Variants in ABCB9 observed in about 807,000 individuals in gnomAD.
The protein encoded by ABCB9 is ATP binding cassette subfamily B member 9, also known as ABC-type oligopeptide transporter ABCB9.
A neutral mutation model predicts 62.0 loss-of-function variants in ABCB9; 36 were observed. The observed-to-expected ratio is 0.58, with a 90% CI of 0.45 to 0.77. ABCB9 has a LOEUF of 0.77. Among genes scored for constraint, ABCB9 ranks in the 30% least tolerant of loss-of-function variants. ABCB9 has a pLI of 0.00. For missense variants in ABCB9, 943 were observed against 1,054.7 expected (o/e 0.89, Z 1.47); for synonymous variants, 435 against 461.4 (o/e 0.94, Z 0.73).
chr12:122,929,943 CGTT>C lies in ABCB9; in HGVS notation c.2266_2268del (p.Asn756del), dbSNP rs1566150977. On this transcript the variant is annotated inframe_deletion, in exon 12 of 12. Coordinates refer to ENST00000280560, the MANE Select transcript of ABCB9 (RefSeq NM_019625.4). This position sits in a 1 kb window ranked among gnomAD's most constrained non-coding sequence, Gnocchi z 6.0. ...TTGTGACTGCCGTTGGCTACAGGCT[CGTT>C]GTGGCCAGCTGTGAAGTCTGCGGCG... is the stretch of plus-strand genomic sequence containing the variant. The C allele has an allele frequency of 6.4e-6, 10 of 1,569,660 alleles. No individual in the cohort carries two copies. Among genetic ancestry groups the C allele is most frequent in the Non-Finnish European group, 8.6e-6 (10 of 1,156,478 alleles).
At chr12:122,926,469 C>T (rs2034908600), downstream of ABCB9, among the ~76,000 whole-genome samples, 1 of 152,098 alleles carries the variant, frequency 6.6e-6, no homozygotes, top group Non-Finnish European at 1.5e-5. Flanking sequence ...ATCGCTTGAA[C>T]CAGGGAGGCA....
rs534522199 is a variant in ABCB9, at chr12:122,944,572, A to G, written c.1252-53T>C. 104 of 1,599,036 alleles carry G rather than the reference A, an allele frequency of 6.5e-5. No homozygotes were observed. In the African/African-American group the frequency reaches 1.2e-3, roughly 18 times the overall value. On this transcript the variant is annotated intron_variant, in intron 6 of 11. Coordinates refer to ENST00000280560, the MANE Select transcript of ABCB9 (RefSeq NM_019625.4). The surrounding 1 kb of genome is among the most constrained non-coding windows in gnomAD (Gnocchi z 4.9). ...TCGAGGGGACCTTAGATCCCCCACC[A>G]TCCCCATTCCCTGACCCATCCCAGG...
chr12:122,949,110 T>G (rs184357159), intron 4 of ABCB9: 2 of 285,938 alleles, frequency 7.0e-6, no homozygotes, highest in African/African-American at 4.4e-5. Flanking sequence ...AGCCTGTCCG[T>G]GACTGAGCCA....
intron 4 of ABCB9, among the ~76,000 whole-genome samples, chr12:122,949,523 G>A (rs980772909): frequency 2.0e-5 from 3 of 152,212 alleles, no homozygotes; most frequent in Non-Finnish European, 4.4e-5. Context: ...ATGGGGCAAT[G>A]GAAAGCAAGG....
intron 1 of ABCB9, among the ~76,000 whole-genome samples, chr12:122,963,980 G>A (rs890880413): frequency 2.6e-5 from 4 of 152,176 alleles, no homozygotes; most frequent in African/African-American, 9.7e-5. Context: ...CGTGGGGAGC[G>A]AGCGAGTGGG....
chr12:122,967,298 G>A (rs765846895), upstream of ABCB9, among the ~76,000 whole-genome samples: 4 of 152,180 alleles, frequency 2.6e-5, no homozygotes, highest in Admixed American at 6.5e-5. Context: ...GTGAGAAGGC[G>A]TGAGCCACGG....
chr12:122,956,002 G>C (rs140425341), intron 2 of ABCB9, among the ~76,000 whole-genome samples: 3 of 152,246 alleles, frequency 2.0e-5, no homozygotes, highest in Non-Finnish European at 2.9e-5. Context: ...GTGAGCCACC[G>C]TACCCAGCCT....
chr12:122,929,944 G>A lies in ABCB9; in HGVS notation c.2268C>T (p.Asn756=), dbSNP rs1045335406. The A allele has an allele frequency of 7.6e-6, 12 of 1,570,392 alleles. No individual in the cohort carries two copies. The highest frequency in any genetic ancestry group is 4.6e-5 in the South Asian group (4 of 87,734). Residue 756 remains asparagine (N), a synonymous_variant, in exon 12 of 12, where the codon AAC becomes AAT. Transcript: ENST00000280560. This position sits in a 1 kb window ranked among gnomAD's most constrained non-coding sequence, Gnocchi z 6.0. ...QPAADFTAGH[N]EPVANGSHKA is the part of the protein sequence containing the mutation. ...TGTGACTGCCGTTGGCTACAGGCTCGTTGTGGCCAGCTGTGAAGTCTGCGG... is the reference window on the plus strand; with the variant it reads ...TGTGACTGCCGTTGGCTACAGGCTCATTGTGGCCAGCTGTGAAGTCTGCGG...
intron 4 of ABCB9, among the ~76,000 whole-genome samples, chr12:122,949,546 C>T (rs2036240253): frequency 6.6e-6 from 1 of 152,194 alleles, no homozygotes; most frequent in African/African-American, 2.4e-5. Flanking sequence ...TTGGCTCCTG[C>T]AGGGACCTCG....
chr12:122,972,146 G>A (rs1169117201), intron 1 of ABCB9, among the ~76,000 whole-genome samples: 3 of 142,022 alleles, frequency 2.1e-5, no homozygotes, highest in South Asian at 2.3e-4. Context: ...CCAGGTTTAC[G>A]CCATTCTCCT....
intron 1 of ABCB9, among the ~76,000 whole-genome samples, chr12:122,962,325 C>G (rs562011890): frequency 1.3e-5 from 2 of 152,262 alleles, no homozygotes; most frequent in African/African-American, 4.8e-5. Context: ...TCCCGTGGGC[C>G]TTTTGTTGTC....
intron 9 of ABCB9, among the ~76,000 whole-genome samples, chr12:122,938,351 T>C (rs1236935865): frequency 2.7e-5 from 4 of 150,308 alleles, no homozygotes; most frequent in African/African-American, 4.9e-5. Context: ...CTGGGCAACA[T>C]GGTGAGACCA....
chr12:122,966,095 G>T (rs575265640), intron 1 of ABCB9, among the ~76,000 whole-genome samples, 192 bp downstream of exon 1: 46 of 152,382 alleles, frequency 3.0e-4, no homozygotes, highest in African/African-American at 1.1e-3. Context: ...GCGCGGAAAG[G>T]ATGCTGCAGG....
chr12:122,928,617 G>C (rs1448475678), downstream of ABCB9, among the ~76,000 whole-genome samples: 1 of 152,108 alleles, frequency 6.6e-6, no homozygotes, highest in African/African-American at 2.4e-5. Context: ...TGCTGATTGA[G>C]CTGTCCTCCT....
At chr12:122,970,884 G>A (rs953840301), upstream of ABCB9, among the ~76,000 whole-genome samples, 1 of 152,166 alleles carries the variant, frequency 6.6e-6, no homozygotes, top group African/African-American at 2.4e-5. Context: ...AACCTTCAAT[G>A]CACATTCCTA....
chr12:122,953,955 A>G (rs1181239429), intron 2 of ABCB9, among the ~76,000 whole-genome samples: 1 of 152,196 alleles, frequency 6.6e-6, no homozygotes, highest in Non-Finnish European at 1.5e-5. Flanking sequence ...TGAGGCTCAG[A>G]GAGATTAAGT....
chr12:122,950,756 G>A (rs1472211977), intron 2 of ABCB9, 191 bp from the exon 3 acceptor site: 3 of 557,150 alleles, frequency 5.4e-6, no homozygotes, highest in Non-Finnish European at 9.7e-6. Context: ...GAGAACAGGG[G>A]AGCACTGGGC....
chr12:122,952,302 G>A (rs902464754), intron 2 of ABCB9: 6 of 152,286 alleles, frequency 3.9e-5, no homozygotes, highest in African/African-American at 1.4e-4. Flanking sequence ...CACCAGGCCA[G>A]GCCAGGCCCT....
rs2035688969 is a variant in ABCB9 at position 122,940,303 on chromosome 12, C to A, written c.1570-19G>T. On this transcript the variant is annotated intron_variant, in intron 8 of 11. Transcript: ENST00000280560. The surrounding 1 kb of genome is among the most constrained non-coding windows in gnomAD (Gnocchi z 4.8). Reference sequence around the variant, plus strand: ...AGACATTCTGCAAAGAACACACAGGCACAGTGCGGGGTTATCGGCTCAGGT... The same window carrying A: ...AGACATTCTGCAAAGAACACACAGGAACAGTGCGGGGTTATCGGCTCAGGT... 2 of 1,568,748 alleles carry A rather than the reference C, an allele frequency of 1.3e-6. No individual in the cohort carries two copies. Among genetic ancestry groups the A allele is most frequent in the Admixed American group, 1.8e-5 (1 of 55,408 alleles).
Sources: allele counts gnomAD v4.1 joint callset (sites outside exome capture counted in the v4.1 genomes callset), GRCh38; gene constraint gnomAD v4.1.1; non-coding constraint Gnocchi (gnomAD v3.1); transcripts MANE v1.5; gene names NCBI Gene and HGNC (gene_info 2026-07-23, HGNC 2026-07-21).